The following SLC9A3 variants were observed in gnomAD, a reference collection of about 807,000 sequenced individuals.
The protein encoded by SLC9A3 is solute carrier family 9 member A3, also known as sodium/hydrogen exchanger 3.
Under a neutral mutation model 86.8 loss-of-function variants are expected in SLC9A3, and 37 were observed. That is an observed-to-expected ratio of 0.43 (90% CI 0.33 to 0.56). The LOEUF is 0.56. SLC9A3 is among the 20% of genes least tolerant of loss of function. The probability of loss-of-function intolerance (pLI) is 0.06; values close to 1 mark genes in which losing one functional copy is unlikely to be tolerated. For synonymous variants in SLC9A3, 581 were observed against 528.3 expected (o/e 1.10, Z -1.37); for missense variants, 1,011 against 1,171.9 (o/e 0.86, Z 2.00).
At chr5:473,610 C>T (rs1387495065) in intron 16 of SLC9A3, among the ~76,000 whole-genome samples, 1 of 152,118 alleles carries the variant, frequency 6.6e-6, no homozygotes, top group Non-Finnish European at 1.5e-5. Flanking sequence ...GTCCCCCCGC[C>T]GGGGGTCCCG....
rs1738383439 is a variant in SLC9A3, at chr5:472,011, CT to C, written c.*1367del. On this transcript the variant is annotated 3_prime_UTR_variant, in exon 17 of 17. Transcript: ENST00000264938. ...TTTTCCTGAGCAAGGAGCTGCGAGT[CT>C]AGCTTTAGAAAAGCCCCTAGGAGTG... The C allele has an allele frequency of 4.4e-6, 2 of 456,536 alleles. No homozygotes were observed. The highest frequency in any genetic ancestry group is 3.1e-5 in the South Asian group (2 of 64,580). The allele number at this position is 456,536 out of a possible 1,614,324, so 28.3% of individuals were successfully genotyped here. A position where few individuals can be genotyped will look rare whatever the true frequency, so the allele number is the denominator to read the frequency against.
chr5:473,829 G>T (rs540502132), intron 16 of SLC9A3, among the ~76,000 whole-genome samples: 1 of 152,220 alleles, frequency 6.6e-6, no homozygotes, highest in Non-Finnish European at 1.5e-5. Flanking sequence ...CCGGGTCTGC[G>T]GGGCCGGCCC....
rs187685285 is a variant in SLC9A3, at chr5:479,636, A to G, written c.1647+200T>C. On this transcript the variant is annotated intron_variant, in intron 10 of 16. Coordinates refer to ENST00000264938, the MANE Select transcript of SLC9A3 (RefSeq NM_004174.4). ...CCCCACCAGCACCACAGTCACCAGG[A>G]CTCTGTGACTCAGTTTACCCCACGA... 1.5e-3 allele frequency: 859 copies of G among 575,498 alleles called. 2 individuals are homozygous for G. Among genetic ancestry groups the G allele is most frequent in the Non-Finnish European group, 2.4e-3 (763 of 321,244 alleles). The allele number at this position is 575,498 out of a possible 1,614,324, so 35.6% of individuals were successfully genotyped here.
intron 1 of SLC9A3, among the ~76,000 whole-genome samples, chr5:498,731 G>C (rs544781031): frequency 9.7e-4 from 148 of 152,316 alleles, no homozygotes; most frequent in African/African-American, 3.4e-3. Context: ...GCTTGTGCCC[G>C]CCGTGGAAGG....
chr5:483,394 T>G lies in SLC9A3; in HGVS notation c.1021A>C (p.Met341Leu), dbSNP rs1739312650. The part of the protein sequence containing the change: ...SATTVRYTMK[M>L]LASSAETIIF... The stretch of plus-strand genomic sequence containing the variant: ...ATGGTCTCGGCGCTGCTGGCCAGCA[T>G]CTTCATGGTGTAGCGCACGGTGGTG... Residue 341 changes from methionine to leucine, a missense_variant, in exon 6 of 17, where the codon ATG becomes CTG. This residue lies in a region of SLC9A3 where 565 missense variants were observed against 790.0 expected (regional missense o/e 0.72). Transcript: ENST00000264938. 6.3e-7 allele frequency: 1 copy of G among 1,577,946 alleles called. No homozygotes were observed. The highest frequency in any genetic ancestry group is 8.6e-7 in the Non-Finnish European group (1 of 1,162,250).
rs1335562353 is a variant in SLC9A3 at position 475,471 on chromosome 5, C to A, written c.2251+90G>T. On this transcript the variant is annotated intron_variant, in intron 15 of 16. Coordinates refer to ENST00000264938, the MANE Select transcript of SLC9A3 (RefSeq NM_004174.4). ...CACAGGAGACCCCACCCCCCCAGGT[C>A]CCAGTGCCCCTGGTCCAATGACCGA... 3.9e-6 allele frequency: 3 copies of A among 778,818 alleles called. No homozygotes were observed. In the African/African-American group the frequency reaches 5.2e-5, roughly 13 times the overall value. 48.2% of individuals were successfully genotyped at this position (778,818 alleles called of 1,614,324 possible). A position where few individuals can be genotyped will look rare whatever the true frequency, so the allele number is the denominator to read the frequency against.
In SLC9A3 at chr5:475,018, G is replaced by C; in HGVS notation, c.2366C>G (p.Thr789Arg). The change falls in exon 16 of 17, where the codon ACG (threonine) becomes AGG (arginine). Residue 789 changes from threonine (T) to arginine (R), a missense_variant. Around this residue, in one of 3 missense-constraint regions of SLC9A3, gnomAD observed 397 missense variants for 346.3 expected, o/e 1.15. Transcript: ENST00000264938. ...ETVVPSQRAR[T>R]QIPYSPGTFC... ...GGTGCCGGGAGAGTAGGGAATCTGCGTGCGGGCCCTCTGCGAGGGGACCAC... is the reference window on the plus strand; with the variant it reads ...GGTGCCGGGAGAGTAGGGAATCTGCCTGCGGGCCCTCTGCGAGGGGACCAC... The C allele has an allele frequency of 6.2e-7, 1 of 1,612,390 alleles. No homozygotes were observed.
In SLC9A3 at chr5:483,292, G is replaced by C. The variant is rs749141925; in HGVS notation, c.1123C>G (p.Leu375Val). The C allele has an allele frequency of 6.4e-7, 1 of 1,554,928 alleles. No homozygotes were observed. Among genetic ancestry groups the C allele is most frequent in the South Asian group, 1.2e-5 (1 of 84,528 alleles). The change falls in exon 6 of 17, where the codon CTG becomes GTG. Residue 375 changes from leucine to valine, a missense_variant. This residue lies in a region of SLC9A3 where 565 missense variants were observed against 790.0 expected (regional missense o/e 0.72). Coordinates refer to ENST00000264938, the MANE Select transcript of SLC9A3 (RefSeq NM_004174.4). ...TWNTAFVLLTLVFISVYRAIG... is the reference protein window; with the variant it reads ...TWNTAFVLLTVVFISVYRAIG... ...GCCCGGTACACGGAGATGAAGACCA[G>C]CGTCAGGAGCACGAAGGCCGTGTTC... is the stretch of plus-strand genomic sequence containing the variant.
intron 1 of SLC9A3, among the ~76,000 whole-genome samples, chr5:510,069 C>G (rs748622250): frequency 6.6e-6 from 1 of 152,306 alleles, no homozygotes; most frequent in East Asian, 1.9e-4. Context: ...TGGGCTGGAC[C>G]GGGGAGCCGC....
At chr5:486,036 C>T (rs1272669332) in intron 3 of SLC9A3, among the ~76,000 whole-genome samples, 1 of 152,232 alleles carries the variant, frequency 6.6e-6, no homozygotes, top group East Asian at 1.9e-4. Flanking sequence ...TCTCACTTCC[C>T]AAATTCCCCC....
At chr5:484,727 C>A (rs1435674299) in intron 4 of SLC9A3, 30 bp from the exon 5 acceptor site, 1 of 1,607,498 alleles carries the variant, frequency 6.2e-7, no homozygotes, top group Admixed American at 1.7e-5. Flanking sequence ...TGTGGCCGTG[C>A]CGGCCTTCCG....
intron 9 of SLC9A3, among the ~76,000 whole-genome samples, chr5:481,235 G>A (rs989354819): frequency 6.6e-6 from 1 of 152,234 alleles, no homozygotes; most frequent in South Asian, 2.1e-4. Context: ...TGACGTGGAG[G>A]AAATAATCTA....
chr5:473,237 T>TCTC lies in SLC9A3; in HGVS notation c.*141_*142insGAG. ...CACTCTCGGAGTTCTGCGCAGGCGC[T>TCTC]GGCGTGGGCGAGGCGGGGCTCGGGG... On this transcript the variant is annotated 3_prime_UTR_variant, in exon 17 of 17. Transcript: ENST00000264938. 1 of 936,808 alleles carries TCTC rather than the reference T, an allele frequency of 1.1e-6. No homozygotes were observed. Among genetic ancestry groups the TCTC allele is most frequent in the Non-Finnish European group, 1.4e-6 (1 of 723,356 alleles). The allele number at this position is 936,808 out of a possible 1,614,324, so 58.0% of individuals were successfully genotyped here.
rs1413645692 is a variant in SLC9A3 at position 474,991 on chromosome 5, A to C, written c.2393T>G (p.Phe798Cys). The C allele has an allele frequency of 1.2e-6, 2 of 1,611,806 alleles. No individual in the cohort carries two copies. The highest frequency in any genetic ancestry group is 1.7e-6 in the Non-Finnish European group (2 of 1,179,652). ...RTQIPYSPGTFCRLMPFRLSS... is the reference protein window; with the variant it reads ...RTQIPYSPGTCCRLMPFRLSS... Reference sequence around the variant, plus strand: ...GAGGCGGAAGGGCATCAGGCGGCAGAAGGTGCCGGGAGAGTAGGGAATCTG... The same window carrying C: ...GAGGCGGAAGGGCATCAGGCGGCAGCAGGTGCCGGGAGAGTAGGGAATCTG... The change falls in exon 16 of 17, where the codon TTC (phenylalanine) becomes TGC (cysteine). Residue 798 changes from phenylalanine to cysteine, a missense_variant. By Grantham distance (205) the Phe-to-Cys change is radical. Transcript: ENST00000264938.
At chr5:492,640 G>A (rs891039152) in intron 1 of SLC9A3, among the ~76,000 whole-genome samples, 6 of 151,542 alleles carry the variant, frequency 4.0e-5, no homozygotes, top group East Asian at 1.9e-4. Context: ...GTGGAGGCCC[G>A]TGCTGGATGG....
chr5:475,992 C>T (rs921912095), intron 14 of SLC9A3, 28 bp downstream of exon 14: 1 of 1,580,216 alleles, frequency 6.3e-7, no homozygotes, highest in Non-Finnish European at 8.6e-7. Context: ...CTCCCAGTCC[C>T]AGCGTTCCTG....
Position 473,333 on chromosome 5 carries a change from G to T in SLC9A3, c.*46C>A. On this transcript the variant is annotated 3_prime_UTR_variant, in exon 17 of 17. Transcript: ENST00000264938. ...CAGCGGCGGCGGCGGTGGGCGGACC[G>T]TGGCGCGGGGACGAGCGGCCGGTTA... The T allele has an allele frequency of 7.1e-7, 1 of 1,410,158 alleles. No individual in the cohort carries two copies. Among genetic ancestry groups the T allele is most frequent in the Non-Finnish European group, 9.3e-7 (1 of 1,076,296 alleles). 87.4% of individuals were successfully genotyped at this position (1,410,158 alleles called of 1,614,324 possible). A position where few individuals can be genotyped will look rare whatever the true frequency, so the allele number is the denominator to read the frequency against.
At chr5:488,879 CA>C (rs200448715) in intron 2 of SLC9A3, among the ~76,000 whole-genome samples, 1,654 of 152,156 alleles carry the variant, frequency 0.011, 34 homozygotes, top group African/African-American at 0.038. Flanking sequence ...ACACAGCACC[CA>C]GGGGCGCGGC....
In SLC9A3 at chr5:492,357, G is replaced by T. The variant is rs1420256409; in HGVS notation, c.212-286C>A. ...GGCAGGTAGGTGGGGGGAGCCCATG[G>T]GGGAGGGGAGGGAGGTAGGGGGGAA... On this transcript the variant is annotated intron_variant, in intron 1 of 16. Transcript: ENST00000264938. Among the ~76,000 whole-genome samples the T allele has an allele frequency of 1.0e-4, 5 of 49,378 alleles. No individual in the cohort carries two copies. In the East Asian group the frequency reaches 2.1e-3, roughly 21 times the overall value. The allele number at this position is 49,378 out of a possible 152,430, so 32.4% of individuals were successfully genotyped here.
Sources: allele counts gnomAD v4.1 joint callset (sites outside exome capture counted in the v4.1 genomes callset), GRCh38; gene constraint gnomAD v4.1.1; regional missense constraint gnomAD v4.1.1; transcripts MANE v1.5; gene names NCBI Gene and HGNC (gene_info 2026-07-23, HGNC 2026-07-21).